CDH8: variants seen among roughly 807,000 people sequenced by gnomAD.
CDH8 encodes cadherin 8.
A neutral mutation model predicts 68.1 loss-of-function variants in CDH8; 17 were observed. That is an observed-to-expected ratio of 0.25 (90% CI 0.17 to 0.37). The LOEUF (loss-of-function observed/expected upper bound fraction) is 0.37, where lower values mean the gene tolerates loss of function less well. CDH8 is among the 10% of genes least tolerant of loss of function. The probability of loss-of-function intolerance (pLI) is 1.00; values close to 1 mark genes in which losing one functional copy is unlikely to be tolerated. For synonymous variants in CDH8, 372 were observed against 365.1 expected, an observed-to-expected ratio of 1.02 and a Z score of -0.21; for missense variants, 763 against 999.3, an observed-to-expected ratio of 0.76 and a Z score of 3.19.
At chr16:62,029,809 A>C (rs1185293450) in intron 1 of CDH8, among the ~76,000 whole-genome samples, 1 of 152,212 alleles carries the variant, frequency 6.6e-6, no homozygotes, top group Admixed American at 6.6e-5. Context: ...ACTACTTAGA[A>C]GGGAGCTCAG....
At chr16:61,669,776 A>C (rs954223659) in intron 10 of CDH8, among the ~76,000 whole-genome samples, 6 of 152,050 alleles carry the variant, frequency 3.9e-5, no homozygotes, top group Admixed American at 3.9e-4. Context: ...TGGCTCAGTC[A>C]AGAAGAAAAA....
chr16:61,672,065 G>A (rs933278662), intron 10 of CDH8, among the ~76,000 whole-genome samples: 1 of 151,954 alleles, frequency 6.6e-6, no homozygotes, highest in Admixed American at 6.6e-5. Flanking sequence ...AAATAAAAGG[G>A]ATTTTTTTTG....
At chr16:61,898,326 T>C (rs1963905690) in intron 3 of CDH8, among the ~76,000 whole-genome samples, 1 of 151,270 alleles carries the variant, frequency 6.6e-6, no homozygotes, top group South Asian at 2.1e-4. Flanking sequence ...GTAATTTTGA[T>C]AAGAAGGAAA....
chr16:61,694,938 C>A (rs554962322), intron 10 of CDH8, among the ~76,000 whole-genome samples: 5 of 151,848 alleles, frequency 3.3e-5, no homozygotes, highest in Non-Finnish European at 7.4e-5. Flanking sequence ...TGCGCCACCA[C>A]GCCTGGCTAA....
intron 8 of CDH8, among the ~76,000 whole-genome samples, chr16:61,757,663 C>T (rs1960357908): frequency 6.6e-6 from 1 of 152,086 alleles, no homozygotes; most frequent in South Asian, 2.1e-4. Flanking sequence ...TCTTGGGGTA[C>T]TTCATCTTGG....
chr16:61,672,136 T>C (rs1963809920), intron 10 of CDH8, among the ~76,000 whole-genome samples: 1 of 152,056 alleles, frequency 6.6e-6, no homozygotes, highest in African/African-American at 2.4e-5. Context: ...CCATCCCTAG[T>C]TGATAATGGA....
chr16:61,979,644 G>T (rs968874301), intron 2 of CDH8, among the ~76,000 whole-genome samples: 1 of 146,208 alleles, frequency 6.8e-6, no homozygotes, highest in Non-Finnish European at 1.5e-5. Context: ...TTTGTTTTAG[G>T]TTTTTTTTTT....
intron 2 of CDH8, chr16:61,940,401 T>TTTTTTTTTTTTTTTTTTTTTTTTTTTTC (rs1964696908): frequency 6.9e-6 from 1 of 143,934 alleles, no homozygotes; most frequent in South Asian, 2.2e-4. Flanking sequence ...ACTTGATCTT[T>TTTTTTTTTTTTTTTTTTTTTTTTTTTTC]TTTTTTTTTT....
intron 2 of CDH8, among the ~76,000 whole-genome samples, chr16:61,903,489 A>G (rs1022864803): frequency 2.0e-5 from 3 of 152,094 alleles, no homozygotes; most frequent in Non-Finnish European, 4.4e-5. Flanking sequence ...GCGCCCGGCT[A>G]ATTTTTTGTA....
intron 8 of CDH8, among the ~76,000 whole-genome samples, chr16:61,784,798 C>G (rs1452714600): frequency 1.3e-5 from 2 of 151,898 alleles, no homozygotes; most frequent in African/African-American, 2.4e-5. Context: ...CAAAGCTGCT[C>G]AACTACATGG....
rs59619156 is a variant in CDH8, at chr16:61,787,949, G to GA, written c.1414+1396_1414+1397insT. 4.8e-3 allele frequency among the ~76,000 whole-genome samples: 553 copies of GA among 114,332 alleles called. 2 individuals are homozygous for GA. The highest frequency in any genetic ancestry group is 8.1e-3 in the Non-Finnish European group (471 of 57,814). The allele number at this position is 114,332 out of a possible 152,430, so 75.0% of individuals were successfully genotyped here. On this transcript the variant is annotated intron_variant, in intron 8 of 11. Transcript: ENST00000577390. ...CACTCTGGGGACTGTGGTGGGGGGG[G>GA]CGGGGGGAGGGATAGCATTGGAAGA...
chr16:61,655,139 G>A (rs1963413008), intron 11 of CDH8, among the ~76,000 whole-genome samples: 2 of 152,166 alleles, frequency 1.3e-5, no homozygotes, highest in Admixed American at 6.5e-5. Context: ...GTGAACTGGT[G>A]TGCCTCACAC....
intron 2 of CDH8, among the ~76,000 whole-genome samples, chr16:61,931,433 C>T (rs186793504): frequency 5.4e-4 from 83 of 152,296 alleles, no homozygotes; most frequent in African/African-American, 1.8e-3. Context: ...ACCTCGGTTT[C>T]CCAAAGCACT....
chr16:61,768,342 CTCT>C (rs1960658670), intron 8 of CDH8, among the ~76,000 whole-genome samples: 1 of 110,820 alleles, frequency 9.0e-6, no homozygotes, highest in South Asian at 3.3e-4. Flanking sequence ...CTCTCTCTCT[CTCT>C]CTCTCTCTCT....
At chr16:61,728,801 C>A (rs895270943) in intron 8 of CDH8, among the ~76,000 whole-genome samples, 3 of 150,976 alleles carry the variant, frequency 2.0e-5, no homozygotes, top group Non-Finnish European at 4.5e-5. Flanking sequence ...AAACATGCAC[C>A]TTTGGAGACC....
At chr16:62,017,934 T>C (rs969201397) in intron 2 of CDH8, among the ~76,000 whole-genome samples, 8 of 152,262 alleles carry the variant, frequency 5.3e-5, no homozygotes, top group African/African-American at 9.6e-5. Flanking sequence ...TCCCAGAGTC[T>C]TGTTATTCAC....
chr16:62,030,851 T>C (rs917314796), intron 1 of CDH8, among the ~76,000 whole-genome samples: 3 of 152,092 alleles, frequency 2.0e-5, no homozygotes, highest in Admixed American at 2.0e-4. Context: ...TGTGTCTATA[T>C]GTGAGGGCCA....
chr16:61,780,684 C>A (rs1961027290), intron 8 of CDH8, among the ~76,000 whole-genome samples: 1 of 151,916 alleles, frequency 6.6e-6, no homozygotes, highest in Non-Finnish European at 1.5e-5. Context: ...AATTTTTTTC[C>A]CCAAGACATG....
chr16:61,773,637 G>A (rs193234141), intron 8 of CDH8, among the ~76,000 whole-genome samples: 154 of 147,650 alleles, frequency 1.0e-3, no homozygotes, highest in African/African-American at 3.6e-3. Context: ...ATTTCAGTGC[G>A]GCTGAAACAG....
Sources: allele counts gnomAD v4.1 joint callset (sites outside exome capture counted in the v4.1 genomes callset), GRCh38; gene constraint gnomAD v4.1.1; transcripts MANE v1.5; gene names NCBI Gene and HGNC (gene_info 2026-07-23, HGNC 2026-07-21).